The following PCDHGA8 variants were observed in gnomAD, a reference collection of about 807,000 sequenced individuals.
The protein encoded by PCDHGA8 is protocadherin gamma subfamily A, 8.
A neutral mutation model predicts 59.2 loss-of-function variants in PCDHGA8; 45 were observed. The ratio of observed to expected loss-of-function variants is 0.76; its 90% CI spans 0.60 to 0.98. PCDHGA8 has a LOEUF of 0.98. Ranked by LOEUF, PCDHGA8 falls within the 50% of genes least tolerant of loss-of-function variation. PCDHGA8 has a pLI of 0.00. For missense variants in PCDHGA8, 1,257 were observed against 1,196.2 expected (o/e 1.05, Z -0.75); for synonymous variants, 531 against 519.0 (o/e 1.02, Z -0.32).
intron 2 of PCDHGA8, among the ~76,000 whole-genome samples, chr5:141,504,179 A>C (rs1247627456): frequency 6.6e-6 from 1 of 152,240 alleles, no homozygotes; most frequent in Non-Finnish European, 1.5e-5. Context: ...AATTCAAAAA[A>C]ATCATGAAAA....
chr5:141,490,981 C>T lies in PCDHGA8; in HGVS notation c.2425-3826C>T. 19 of 1,614,096 alleles carry T rather than the reference C, an allele frequency of 1.2e-5. No homozygotes were observed. The highest frequency in any genetic ancestry group is 1.5e-5 in the Non-Finnish European group (18 of 1,180,018). Reference sequence around the variant, plus strand: ...ACACTCAGCCCCCCAGCGTCTCCCTCGCTCTGCTCCTCCTGGCTCCTTGGT... The same window carrying T: ...ACACTCAGCCCCCCAGCGTCTCCCTTGCTCTGCTCCTCCTGGCTCCTTGGT... On this transcript the variant is annotated intron_variant, in intron 1 of 3. Transcript: ENST00000398604. The surrounding 1 kb of genome is among the most constrained non-coding windows in gnomAD (Gnocchi z 5.4).
At chr5:141,415,524 C>G in intron 1 of PCDHGA8, 1 of 1,614,154 alleles carries the variant, frequency 6.2e-7, no homozygotes, top group Non-Finnish European at 8.5e-7. Context: ...CGGACACGCT[C>G]ATCAGCCAGG....
chr5:141,476,665 C>T lies in PCDHGA8; in HGVS notation c.2425-18142C>T. On this transcript the variant is annotated intron_variant, in intron 1 of 3. Coordinates refer to ENST00000398604, the MANE Select transcript of PCDHGA8 (RefSeq NM_032088.2). This position sits in a 1 kb window ranked among gnomAD's most constrained non-coding sequence, Gnocchi z 7.6. ...GCCGAAATGAATACTTTGCGCTTCG[C>T]GTGCAGACGCGGGAGGACAGCACCA... 6.2e-7 allele frequency: 1 copy of T among 1,614,240 alleles called. No homozygotes were observed. Among genetic ancestry groups the T allele is most frequent in the East Asian group, 2.2e-5 (1 of 44,882 alleles).
At chr5:141,466,004 C>T (rs1336655723) in intron 1 of PCDHGA8, among the ~76,000 whole-genome samples, 1 of 151,920 alleles carries the variant, frequency 6.6e-6, no homozygotes, top group Non-Finnish European at 1.5e-5. Flanking sequence ...CACCTGTAGT[C>T]CCAGCTACTC....
chr5:141,427,220 T>G (rs1487350481), intron 1 of PCDHGA8: 1 of 456,710 alleles, frequency 2.2e-6, no homozygotes, highest in East Asian at 6.9e-5. Flanking sequence ...TTCGTAGCAG[T>G]TATACCATGA....
At chr5:141,495,446 C>A (rs1165861519) in intron 2 of PCDHGA8, among the ~76,000 whole-genome samples, 1 of 152,220 alleles carries the variant, frequency 6.6e-6, no homozygotes, top group African/African-American at 2.4e-5. Flanking sequence ...CCCTACTTGT[C>A]CTGCTCTCTG....
Position 141,432,394 on chromosome 5 carries a change from C to T in PCDHGA8, c.2424+37157C>T, listed in dbSNP as rs149830124. The T allele has an allele frequency of 1.7e-5, 27 of 1,614,260 alleles. No individual in the cohort carries two copies. The African/African-American group carries it at 2.7e-4, about 16-fold the overall frequency. On this transcript the variant is annotated intron_variant, in intron 1 of 3. Transcript: ENST00000398604. The surrounding 1 kb of genome is among the most constrained non-coding windows in gnomAD (Gnocchi z 6.0). ...ACGGGCACCCGCCCCTCAGCAGCAA[C>T]GTGTCGTTGAGCCTGTTCGTGCTGG...
At position 141,393,784 on chromosome 5, in the gene PCDHGA8, T is replaced by A. The variant is rs1554094164; in HGVS notation, c.971T>A (p.Val324Glu). 3 of 1,613,864 alleles carry A rather than the reference T, an allele frequency of 1.9e-6. No homozygotes were observed. The South Asian group carries it at 3.3e-5, about 18-fold the overall frequency. ...GAAATGGAAATACAAGCCGAAGATG[T>A]GGGGGCACTTCTGGGGAGGACCAAA... ...FYEMEIQAEDVGALLGRTKLL... is the reference protein window; with the variant it reads ...FYEMEIQAEDEGALLGRTKLL... The change falls in exon 1 of 4, where the codon GTG becomes GAG. Residue 324 changes from valine to glutamate, a missense_variant. Coordinates refer to ENST00000398604, the MANE Select transcript of PCDHGA8 (RefSeq NM_032088.2).
chr5:141,450,280 T>C (rs1374970772), intron 1 of PCDHGA8, among the ~76,000 whole-genome samples: 2 of 152,166 alleles, frequency 1.3e-5, no homozygotes, highest in African/African-American at 4.8e-5. Context: ...AGCTAAGTGC[T>C]GGGATTACAG....
Position 141,481,556 on chromosome 5 carries a change from G to A in PCDHGA8, c.2425-13251G>A, listed in dbSNP as rs553126587. Among the ~76,000 whole-genome samples the A allele has an allele frequency of 1.2e-4, 18 of 152,266 alleles. No homozygotes were observed. The South Asian group carries it at 1.4e-3, about 12-fold the overall frequency. On this transcript the variant is annotated intron_variant, in intron 1 of 3. Coordinates refer to ENST00000398604, the MANE Select transcript of PCDHGA8 (RefSeq NM_032088.2). ...GATGGGGCTGGGCTCAGTGGCTCAC[G>A]CCTGTAATCCCAGTACTTAGGGAGG...
chr5:141,416,031 C>G (rs1301059596), intron 1 of PCDHGA8: 1 of 207,362 alleles, frequency 4.8e-6, no homozygotes, highest in Non-Finnish European at 9.4e-6. Context: ...AGAAAGAAAT[C>G]ACCTCTGGAA....
intron 1 of PCDHGA8, among the ~76,000 whole-genome samples, chr5:141,475,620 G>A (rs2154572702): frequency 6.6e-6 from 1 of 152,238 alleles, no homozygotes; most frequent in Admixed American, 6.5e-5. Flanking sequence ...TTTTCGGTTT[G>A]GTTCGATCCC....
Position 141,491,712 on chromosome 5 carries a change from G to C in PCDHGA8, c.2425-3095G>C. 3.1e-6 allele frequency: 5 copies of C among 1,609,408 alleles called. No individual in the cohort carries two copies. Among genetic ancestry groups the C allele is most frequent in the Middle Eastern group, 1.7e-4 (1 of 6,024 alleles). ...GGGAGCGGAGCCAGGTGAGGGGCTCGGCGCCGCCCCGGGCGACCCCTGGGG... is the reference window on the plus strand; with the variant it reads ...GGGAGCGGAGCCAGGTGAGGGGCTCCGCGCCGCCCCGGGCGACCCCTGGGG... On this transcript the variant is annotated intron_variant, in intron 1 of 3. Transcript: ENST00000398604. The surrounding 1 kb of genome is among the most constrained non-coding windows in gnomAD (Gnocchi z 6.9).
chr5:141,493,250 C>T lies in PCDHGA8; in HGVS notation c.2425-1557C>T, dbSNP rs1330348553. On this transcript the variant is annotated intron_variant, in intron 1 of 3. Coordinates refer to ENST00000398604, the MANE Select transcript of PCDHGA8 (RefSeq NM_032088.2). The surrounding 1 kb of genome is among the most constrained non-coding windows in gnomAD (Gnocchi z 4.3). ...TGCTGTTGGCTAGGTACTAACATGC[C>T]TCTCTTATAACAGCTTCACAGAGGT... Among the ~76,000 whole-genome samples the T allele has an allele frequency of 1.3e-5, 2 of 152,154 alleles. No homozygotes were observed. Among genetic ancestry groups the T allele is most frequent in the Non-Finnish European group, 2.9e-5 (2 of 68,024 alleles).
Position 141,477,818 on chromosome 5 carries a change from C to T in PCDHGA8, c.2425-16989C>T, listed in dbSNP as rs202009040. 33 of 1,614,040 alleles carry T rather than the reference C, an allele frequency of 2.0e-5. No homozygotes were observed. The highest frequency in any genetic ancestry group is 1.3e-4 in the Admixed American group (8 of 60,006). On this transcript the variant is annotated intron_variant, in intron 1 of 3. Transcript: ENST00000398604. This position sits in a 1 kb window ranked among gnomAD's most constrained non-coding sequence, Gnocchi z 4.9. ...TCGCAATGACAATGCCCCCCAGGTCCTATATCCTCGGCCAGGTGGGAGCTC... is the reference window on the plus strand; with the variant it reads ...TCGCAATGACAATGCCCCCCAGGTCTTATATCCTCGGCCAGGTGGGAGCTC...
chr5:141,459,613 C>A (rs1040874685), intron 1 of PCDHGA8, among the ~76,000 whole-genome samples: 1 of 152,188 alleles, frequency 6.6e-6, no homozygotes, highest in African/African-American at 2.4e-5. Context: ...ATATGCTTAA[C>A]TTTATAAGAA....
rs1357901633 is a variant in PCDHGA8, at chr5:141,476,594, C to G, written c.2425-18213C>G. On this transcript the variant is annotated intron_variant, in intron 1 of 3. Transcript: ENST00000398604. This position sits in a 1 kb window ranked among gnomAD's most constrained non-coding sequence, Gnocchi z 7.6. ...GACGCGCTTTCCGCTCGAGAGCGCG[C>G]ACGATCCCGATGTGGGAAGCAACTC... The G allele has an allele frequency of 3.7e-6, 6 of 1,614,242 alleles. No homozygotes were observed. The highest frequency in any genetic ancestry group is 4.2e-6 in the Non-Finnish European group (5 of 1,180,040).
rs767337670 is a variant in PCDHGA8 at position 141,433,083 on chromosome 5, A to G, written c.2424+37846A>G. 8.1e-6 allele frequency: 13 copies of G among 1,614,174 alleles called. 1 individual carries two copies. Among genetic ancestry groups the G allele is most frequent in the Non-Finnish European group, 9.3e-6 (11 of 1,180,024 alleles). ...CACCTGATCTTCCCCCAGCCCAACT[A>G]TGCAGACATGCTCGTCAGCCAGGAG... On this transcript the variant is annotated intron_variant, in intron 1 of 3. Coordinates refer to ENST00000398604, the MANE Select transcript of PCDHGA8 (RefSeq NM_032088.2).
intron 1 of PCDHGA8, chr5:141,415,756 T>G (rs756759295): frequency 1.5e-4 from 214 of 1,386,812 alleles, no homozygotes; most frequent in African/African-American, 5.9e-4. Flanking sequence ...TTTTTTTTTT[T>G]TTTTTTTTTT....
Sources: gnomAD v4.1 joint callset for allele counts (sites outside exome capture counted in the v4.1 genomes callset) on GRCh38, gnomAD v4.1.1 for gene constraint, Gnocchi (gnomAD v3.1) non-coding constraint, MANE v1.5 for transcripts, NCBI Gene and HGNC (gene_info 2026-07-23, HGNC 2026-07-21) for gene names.